The following RAB14 variants were observed in gnomAD, a reference collection of about 807,000 sequenced individuals.
RAB14 encodes the protein RAB14, member RAS oncogene family, also known as ras-related protein Rab-14.
Under a neutral mutation model 31.1 loss-of-function variants are expected in RAB14, and 3 were observed. The observed-to-expected ratio is 0.10, with a 90% confidence interval of 0.04 to 0.25. RAB14 has a LOEUF of 0.25. Among genes scored for constraint, RAB14 ranks in the 10% least tolerant of loss-of-function variants. RAB14 has a pLI of 1.00. For missense variants in RAB14, 111 were observed against 260.1 expected, an observed-to-expected ratio of 0.43 and a Z score of 3.94; for synonymous variants, 85 against 84.9, an observed-to-expected ratio of 1.00 and a Z score of 0.00.
At chr9:121,198,037 ACACACACT>A (rs2053728269) in intron 1 of RAB14, among the ~76,000 whole-genome samples, 1 of 151,838 alleles carries the variant, frequency 6.6e-6, no homozygotes, top group South Asian at 2.1e-4. Flanking sequence ...ACACACACAC[ACACACACT>A]CAACCCTATA....
rs2053629610 is a variant in RAB14 at position 121,180,992 on chromosome 9, C to T, written c.*404G>A. ...CAATAAACTTATTGGTTACAACAGA[C>T]ATACTTGAACAGTTAAGGATGGGAA... On this transcript the variant is annotated 3_prime_UTR_variant, in exon 8 of 8. Transcript: ENST00000373840. The T allele has an allele frequency of 6.4e-6, 1 of 155,790 alleles. No individual in the cohort carries two copies. The allele number at this position is 155,790 out of a possible 1,614,324, so 9.7% of individuals were successfully genotyped here.
chr9:121,196,987 T>C (rs1211870823), intron 1 of RAB14, among the ~76,000 whole-genome samples: 5 of 152,144 alleles, frequency 3.3e-5, no homozygotes. Flanking sequence ...AATTCACTCA[T>C]TTGGCCAATG....
At chr9:121,192,626 C>G (rs190432295) in intron 2 of RAB14, among the ~76,000 whole-genome samples, 310 of 152,042 alleles carry the variant, frequency 2.0e-3, no homozygotes, top group African/African-American at 7.3e-3. Context: ...AAATAACAAA[C>G]TGAGTTCTGG....
chr9:121,188,196 A>G (rs2053667979), intron 4 of RAB14, among the ~76,000 whole-genome samples: 1 of 152,008 alleles, frequency 6.6e-6, no homozygotes, highest in South Asian at 2.1e-4. Flanking sequence ...AAACAATGAT[A>G]AAATACAATT....
At chr9:121,181,655 T>G (rs1588366002) in intron 7 of RAB14, 82 bp from the exon 8 acceptor site, 21 of 1,158,598 alleles carry the variant, frequency 1.8e-5, no homozygotes, top group Non-Finnish European at 2.3e-5. Context: ...AATCTTTAGT[T>G]AACTGCCATG....
chr9:121,197,475 T>C (rs553753552), intron 1 of RAB14, among the ~76,000 whole-genome samples: 52 of 152,194 alleles, frequency 3.4e-4, no homozygotes, highest in Non-Finnish European at 6.5e-4. Flanking sequence ...AACAAAATGA[T>C]AGACACATTT....
At chr9:121,191,409 C>T (rs567341787) in intron 3 of RAB14, among the ~76,000 whole-genome samples, 24 of 152,210 alleles carry the variant, frequency 1.6e-4, no homozygotes, top group African/African-American at 5.8e-4. Flanking sequence ...ACAAGCATAG[C>T]TCACTGTAAC....
At chr9:121,188,010 T>C (rs1353009477) in intron 4 of RAB14, among the ~76,000 whole-genome samples, 2 of 152,012 alleles carry the variant, frequency 1.3e-5, no homozygotes, top group Non-Finnish European at 2.9e-5. Flanking sequence ...CCAGTTCTCA[T>C]AGAAAATCTG....
chr9:121,195,624 T>C (rs1045070317), intron 1 of RAB14, among the ~76,000 whole-genome samples: 2 of 152,094 alleles, frequency 1.3e-5, no homozygotes, highest in Non-Finnish European at 2.9e-5. Flanking sequence ...TATTTCCAAA[T>C]AAAAGAAATG....
chr9:121,195,548 A>G (rs908396277), intron 1 of RAB14, among the ~76,000 whole-genome samples: 27 of 152,186 alleles, frequency 1.8e-4, no homozygotes, highest in Non-Finnish European at 8.8e-5. Context: ...TCATACATTC[A>G]TTAAATGTGA....
At position 121,178,722 on chromosome 9, in the gene RAB14, G is replaced by A. The variant is rs1295793591; in HGVS notation, c.*2674C>T. ...AATAATAAGTTACTCCATCAAACAC[G>A]TTATTATCCATAAAAAAGACTTCAA... On this transcript the variant is annotated 3_prime_UTR_variant, in exon 8 of 8. Transcript: ENST00000373840. 1.3e-5 allele frequency: 2 copies of A among 152,072 alleles called. No homozygotes were observed. The highest frequency in any genetic ancestry group is 2.9e-5 in the Non-Finnish European group (2 of 67,992). The allele number at this position is 152,072 out of a possible 1,614,324, so 9.4% of individuals were successfully genotyped here. A position where few individuals can be genotyped will look rare whatever the true frequency, so the allele number is the denominator to read the frequency against.
chr9:121,190,481 C>A, intron 4 of RAB14, 73 bp downstream of exon 4: 1 of 1,334,450 alleles, frequency 7.5e-7, no homozygotes, highest in South Asian at 1.7e-5. Flanking sequence ...AAAAAAAATG[C>A]CTATCAATTT....
intron 1 of RAB14, among the ~76,000 whole-genome samples, chr9:121,200,723 T>A (rs1195754997): frequency 6.6e-6 from 1 of 152,218 alleles, no homozygotes; most frequent in Non-Finnish European, 1.5e-5. Flanking sequence ...CCAGCCACAG[T>A]GTGAGCCGAA....
At chr9:121,185,098 CAAG>C (rs1365285633) in intron 5 of RAB14, among the ~76,000 whole-genome samples, 3 of 152,268 alleles carry the variant, frequency 2.0e-5, no homozygotes, top group Non-Finnish European at 2.9e-5. Context: ...AAGAAAAACT[CAAG>C]AAATTTTTTT....
chr9:121,200,286 G>C (rs1032805053), intron 1 of RAB14, among the ~76,000 whole-genome samples: 3 of 152,226 alleles, frequency 2.0e-5, no homozygotes, highest in Non-Finnish European at 2.9e-5. Context: ...CTGGATTACT[G>C]CAAGGTCAAG....
chr9:121,193,299 A>G, intron 2 of RAB14, 62 bp downstream of exon 2: 1 of 1,130,948 alleles, frequency 8.8e-7, no homozygotes, highest in Non-Finnish European at 1.3e-6. Context: ...AAGTATTAAC[A>G]TATAAATATT....
intron 7 of RAB14, among the ~76,000 whole-genome samples, chr9:121,182,082 G>C (rs1174799833): frequency 6.6e-6 from 1 of 152,030 alleles, no homozygotes; most frequent in Non-Finnish European, 1.5e-5. Context: ...ACATACATAC[G>C]TGTACTGAAA....
chr9:121,190,760 C>T, intron 3 of RAB14, 29 bp from the exon 4 acceptor site: 1 of 1,602,720 alleles, frequency 6.2e-7, no homozygotes, highest in Non-Finnish European at 8.5e-7. Context: ...AGTAATAGCC[C>T]AATTTTCAGA....
rs2053609142 is a variant in RAB14 at position 121,178,334 on chromosome 9, A to G, written c.*3062T>C. ...TTGTTTCAAGTCTTAGCAAAATGCTAAAAGGCCTGGCCTAGTCACAATTAC... is the reference window on the plus strand; with the variant it reads ...TTGTTTCAAGTCTTAGCAAAATGCTGAAAGGCCTGGCCTAGTCACAATTAC... On this transcript the variant is annotated 3_prime_UTR_variant, in exon 8 of 8. Coordinates refer to ENST00000373840, the MANE Select transcript of RAB14 (RefSeq NM_016322.4). The G allele has an allele frequency of 6.6e-6, 1 of 152,452 alleles. No individual in the cohort carries two copies. 9.4% of individuals were successfully genotyped at this position (152,452 alleles called of 1,614,324 possible). A position where few individuals can be genotyped will look rare whatever the true frequency, so the allele number is the denominator to read the frequency against.
Sources: gnomAD v4.1 joint callset for allele counts (sites outside exome capture counted in the v4.1 genomes callset) on GRCh38, gnomAD v4.1.1 for gene constraint, MANE v1.5 for transcripts, NCBI Gene and HGNC (gene_info 2026-07-23, HGNC 2026-07-21) for gene names.